PIEZO2: variants seen among roughly 807,000 people sequenced by gnomAD.
PIEZO2 encodes the protein piezo-type mechanosensitive ion channel component 2.
In PIEZO2, 172 loss-of-function variants were observed where a neutral mutation model predicts 337.3. That is an observed-to-expected ratio of 0.51 (90% CI 0.45 to 0.58). The LOEUF is 0.58. Ranked by LOEUF, PIEZO2 falls within the 20% of genes least tolerant of loss-of-function variation. PIEZO2 has a pLI of 0.00. For synonymous variants in PIEZO2, 1,251 were observed against 1,228.5 expected, an observed-to-expected ratio of 1.02 and a Z score of -0.38; for missense variants, 3,028 against 3,391.3, an observed-to-expected ratio of 0.89 and a Z score of 2.66.
intron 1 of PIEZO2, among the ~76,000 whole-genome samples, chr18:11,145,703 G>GAAAA (rs2040792312): frequency 6.6e-6 from 1 of 152,206 alleles, no homozygotes; most frequent in Non-Finnish European, 1.5e-5. Context: ...ACTTCTTGCA[G>GAAAA]AAAAGAATCA....
chr18:11,119,321 G>A (rs980143233), intron 1 of PIEZO2, among the ~76,000 whole-genome samples: 6 of 152,134 alleles, frequency 3.9e-5, no homozygotes, highest in African/African-American at 1.2e-4. Context: ...TGTATTTTTG[G>A]TAGAGACAGG....
At chr18:11,040,852 C>G (rs1412739987) in intron 2 of PIEZO2, among the ~76,000 whole-genome samples, 2 of 152,172 alleles carry the variant, frequency 1.3e-5, no homozygotes, top group Admixed American at 6.5e-5. Context: ...TACTTTTTCA[C>G]AATTCAAACC....
chr18:11,017,032 G>A (rs1415399701), intron 2 of PIEZO2, among the ~76,000 whole-genome samples: 3 of 152,188 alleles, frequency 2.0e-5, no homozygotes, highest in Non-Finnish European at 4.4e-5. Context: ...CACCAGCCTG[G>A]AGAAAACCCT....
intron 1 of PIEZO2, among the ~76,000 whole-genome samples, chr18:11,138,654 A>T (rs921057260): frequency 1.3e-5 from 2 of 152,204 alleles, no homozygotes; most frequent in African/African-American, 2.4e-5. Flanking sequence ...CGTGCTGGGG[A>T]TATCAACAAG....
At chr18:10,881,654 T>C (rs183092501) in intron 4 of PIEZO2, among the ~76,000 whole-genome samples, 34 of 152,272 alleles carry the variant, frequency 2.2e-4, no homozygotes, top group African/African-American at 7.7e-4. Flanking sequence ...ATCAGTATTT[T>C]TTTCCCTAGA....
chr18:10,999,122 G>A (rs1019998501), intron 2 of PIEZO2, among the ~76,000 whole-genome samples: 12 of 149,112 alleles, frequency 8.0e-5, no homozygotes, highest in East Asian at 2.0e-4. Context: ...AACAATCCAC[G>A]CCAAAAAATG....
In PIEZO2 at chr18:11,146,070, TCA is replaced by T. The variant is rs1008099124; in HGVS notation, c.64+2453_64+2454del. Among the ~76,000 whole-genome samples the T allele has an allele frequency of 2.0e-5, 3 of 152,100 alleles. No homozygotes were observed. The highest frequency in any genetic ancestry group is 2.9e-5 in the Non-Finnish European group (2 of 68,004). On this transcript the variant is annotated intron_variant, in intron 1 of 55. Coordinates refer to ENST00000674853, the MANE Select transcript of PIEZO2 (RefSeq NM_001378183.1). The surrounding 1 kb of genome is among the most constrained non-coding windows in gnomAD (Gnocchi z 6.1). ...CACACTTATGCACTCAAACTCACAT[TCA>T]CACAAACTGTTACACAGTCATGCAC...
At chr18:10,689,599 C>T (rs376313699) in intron 49 of PIEZO2, 56 bp downstream of exon 49, 2 of 1,610,034 alleles carry the variant, frequency 1.2e-6, no homozygotes, top group East Asian at 2.2e-5. Context: ...CATCTTATAA[C>T]CAGCCTGTAT....
At chr18:10,896,080 GAAAA>G (rs1163144515) in intron 4 of PIEZO2, among the ~76,000 whole-genome samples, 9 of 137,914 alleles carry the variant, frequency 6.5e-5, no homozygotes, top group African/African-American at 1.9e-4. Flanking sequence ...AAACAAAAAC[GAAAA>G]AAAAAAGAAA....
Position 11,125,980 on chromosome 18 carries a change from CTG to C in PIEZO2, c.64+22543_64+22544del, listed in dbSNP as rs2040170672. 6.6e-6 allele frequency among the ~76,000 whole-genome samples: 1 copy of C among 152,228 alleles called. No individual in the cohort carries two copies. The highest frequency in any genetic ancestry group is 2.1e-4 in the South Asian group (1 of 4,832). ...AGATGGACAGACAAGTAGCACGTGA[CTG>C]TGGTTTTATCCAGAGTGTTGTCAAA... On this transcript the variant is annotated intron_variant, in intron 1 of 55. Transcript: ENST00000674853. This position sits in a 1 kb window ranked among gnomAD's most constrained non-coding sequence, Gnocchi z 4.4.
chr18:10,704,395 T>G lies in PIEZO2; in HGVS notation c.6257A>C (p.Glu2086Ala). ...ACAGGGGTCTGCGTCCAGGCCTACC[T>G]CAGTATAGACGATGGCCATCATCCA... ...RFWMMAIVYTEVAIVVKYFFQ... is the reference protein window; with the variant it reads ...RFWMMAIVYTAVAIVVKYFFQ... The change falls in exon 42 of 56, where the codon GAG becomes GCG. Residue 2086 changes from glutamate (E) to alanine (A), a missense_variant and splice_region_variant. Glu to Ala is a moderately radical substitution (Grantham distance 107). Transcript: ENST00000674853. 6.5e-7 allele frequency: 1 copy of G among 1,536,958 alleles called. No homozygotes were observed. Among genetic ancestry groups the G allele is most frequent in the Non-Finnish European group, 8.7e-7 (1 of 1,146,876 alleles).
chr18:10,700,716 G>C (rs569306745), intron 43 of PIEZO2, among the ~76,000 whole-genome samples: 4 of 152,186 alleles, frequency 2.6e-5, no homozygotes, highest in East Asian at 3.9e-4. Context: ...GAATTTCTAA[G>C]ACTAAAAAAC....
chr18:10,792,790 CCTAGGACT>C (rs2039448050), intron 13 of PIEZO2, among the ~76,000 whole-genome samples: 1 of 152,132 alleles, frequency 6.6e-6, no homozygotes, highest in African/African-American at 2.4e-5. Context: ...GGTAAATGAA[CCTAGGACT>C]GGAATTGCTG....
intron 7 of PIEZO2, among the ~76,000 whole-genome samples, chr18:10,820,609 A>C (rs1281541063): frequency 1.3e-5 from 2 of 152,160 alleles, no homozygotes; most frequent in Non-Finnish European, 2.9e-5. Flanking sequence ...AAGCTGTTTT[A>C]AGGAGGTTTC....
chr18:11,138,833 T>C (rs2040560870), intron 1 of PIEZO2, among the ~76,000 whole-genome samples: 1 of 152,182 alleles, frequency 6.6e-6, no homozygotes, highest in Non-Finnish European at 1.5e-5. Flanking sequence ...GATGTCACGT[T>C]GTTTCAAAGG....
intron 41 of PIEZO2, 66 bp from the exon 42 acceptor site, chr18:10,704,718 CTT>C (rs1049504413): frequency 6.7e-7 from 1 of 1,491,248 alleles, no homozygotes; most frequent in African/African-American, 1.4e-5. Flanking sequence ...GAGTTTTGCT[CTT>C]GTTGCCCAGG....
At chr18:10,763,637 C>T (rs944748387) in intron 21 of PIEZO2, among the ~76,000 whole-genome samples, 1 of 152,156 alleles carries the variant, frequency 6.6e-6, no homozygotes, top group Non-Finnish European at 1.5e-5. Flanking sequence ...TTTGATGGAT[C>T]CTTTTTACAC....
chr18:11,069,026 A>C lies in PIEZO2; in HGVS notation c.65-2804T>G, dbSNP rs1381887407. Among the ~76,000 whole-genome samples, 1 of 152,046 alleles carries C rather than the reference A, an allele frequency of 6.6e-6. No homozygotes were observed. The highest frequency in any genetic ancestry group is 1.5e-5 in the Non-Finnish European group (1 of 68,038). ...AAAAGTAAGGAGATTGGAATCGGTG[A>C]TAAAAAGTCTCCCCTCAAAAATAAA... On this transcript the variant is annotated intron_variant, in intron 1 of 55. Coordinates refer to ENST00000674853, the MANE Select transcript of PIEZO2 (RefSeq NM_001378183.1). This position sits in a 1 kb window ranked among gnomAD's most constrained non-coding sequence, Gnocchi z 4.9.
rs765877353 is a variant in PIEZO2 at position 10,871,279 on chromosome 18, T to G, written c.466A>C (p.Asn156His). The change falls in exon 5 of 56, where the codon AAC (asparagine) becomes CAC (histidine). Residue 156 changes from asparagine to histidine, a missense_variant. Coordinates refer to ENST00000674853, the MANE Select transcript of PIEZO2 (RefSeq NM_001378183.1). The stretch of plus-strand genomic sequence containing the variant: ...AATTCTTCATTTTCAAACTCCGGGT[T>G]ACTCTGTGCTGCTTCGTCTGTCACA... ...KPVTDEAAQS[N>H]PEFENEELAE... 1.5e-5 allele frequency: 23 copies of G among 1,536,912 alleles called. No homozygotes were observed. In the Middle Eastern group the frequency reaches 8.3e-4, roughly 56 times the overall value.
Sources: allele counts gnomAD v4.1 joint callset (sites outside exome capture counted in the v4.1 genomes callset), GRCh38; gene constraint gnomAD v4.1.1; non-coding constraint Gnocchi (gnomAD v3.1); transcripts MANE v1.5; gene names NCBI Gene and HGNC (gene_info 2026-07-23, HGNC 2026-07-21).